Variants in CCDC180 observed in about 807,000 individuals in gnomAD.
CCDC180 encodes the protein coiled-coil domain-containing protein 180.
Under a neutral mutation model 209.2 loss-of-function variants are expected in CCDC180, and 154 were observed. That is an observed-to-expected ratio of 0.74 (90% CI 0.65 to 0.84). CCDC180 has a LOEUF of 0.84. Among genes scored for constraint, CCDC180 ranks in the 40% least tolerant of loss-of-function variants. The probability of loss-of-function intolerance (pLI) is 0.00; values close to 1 mark genes in which losing one functional copy is unlikely to be tolerated. For missense variants in CCDC180, 1,874 were observed against 1,997.3 expected (o/e 0.94, Z 1.18); for synonymous variants, 778 against 749.1 (o/e 1.04, Z -0.63).
At position 97,353,969 on chromosome 9, in the gene CCDC180, C is replaced by G. The variant is rs140113889; in HGVS notation, c.3003-600C>G. 5.5e-3 allele frequency among the ~76,000 whole-genome samples: 837 copies of G among 151,336 alleles called. 6 individuals are homozygous for G. Among genetic ancestry groups the G allele is most frequent in the Non-Finnish European group, 7.6e-3 (514 of 67,882 alleles). On this transcript the variant is annotated intron_variant, in intron 22 of 36. Coordinates refer to ENST00000529487, the MANE Select transcript of CCDC180 (RefSeq NM_020893.6). The stretch of plus-strand genomic sequence containing the variant: ...GGTGCTGCCCACATTCCAAGCTCCC[C>G]TTCTAGTTTCACTTCATCTGGAATT...
chr9:97,343,236 G>A (rs377513794), intron 18 of CCDC180, 104 bp from the exon 19 acceptor site: 98 of 684,916 alleles, frequency 1.4e-4, no homozygotes, highest in Middle Eastern at 2.5e-4. Context: ...CATAATCTTG[G>A]CCCAAAATTT....
chr9:97,350,255 C>T (rs551567163), intron 21 of CCDC180, among the ~76,000 whole-genome samples, 154 bp from the exon 22 acceptor site: 1 of 151,884 alleles, frequency 6.6e-6, no homozygotes, highest in Admixed American at 6.5e-5. Context: ...GGATCCTCAC[C>T]ATCACCACCT....
At chr9:97,348,867 G>C (rs1826346536) in intron 20 of CCDC180, among the ~76,000 whole-genome samples, 1 of 152,170 alleles carries the variant, frequency 6.6e-6, no homozygotes, top group Non-Finnish European at 1.5e-5. Flanking sequence ...CCATCTTCCT[G>C]GCTGTGTTCC....
chr9:97,365,373 A>G (rs554670529), intron 29 of CCDC180: 2 of 305,294 alleles, frequency 6.6e-6, no homozygotes, highest in South Asian at 9.1e-5. Context: ...AATCCACCTG[A>G]TTAGCATGTC....
chr9:97,324,926 G>T (rs993230167), intron 13 of CCDC180, 93 bp from the exon 14 acceptor site: 11 of 1,207,104 alleles, frequency 9.1e-6, no homozygotes, highest in Admixed American at 6.7e-5. Flanking sequence ...ATACTGTTCA[G>T]TCGTTAGAGA....
chr9:97,350,157 C>T (rs1826381419), intron 21 of CCDC180, among the ~76,000 whole-genome samples: 1 of 151,948 alleles, frequency 6.6e-6, no homozygotes, highest in Non-Finnish European at 1.5e-5. Flanking sequence ...TCACCACCCT[C>T]CCCTCTCATG....
rs1192831837 is a variant in CCDC180 at position 97,318,341 on chromosome 9, G to A, written c.960-122G>A. The A allele has an allele frequency of 2.5e-6, 3 of 1,206,170 alleles. No individual in the cohort carries two copies. The African/African-American group carries it at 4.5e-5, about 18-fold the overall frequency. The allele number at this position is 1,206,170 out of a possible 1,614,324, so 74.7% of individuals were successfully genotyped here. ...GCAAAGTCTGGGGAGGAAGGGGCTG[G>A]GGGTGGTGTTAGGGAAGGAGTGCTG... On this transcript the variant is annotated intron_variant, in intron 9 of 36. Transcript: ENST00000529487.
chr9:97,344,761 A>G (rs1261583568), intron 19 of CCDC180, among the ~76,000 whole-genome samples: 2 of 152,232 alleles, frequency 1.3e-5, no homozygotes, highest in African/African-American at 4.8e-5. Flanking sequence ...GAAGGATAAC[A>G]TGCATTCATA....
In CCDC180 at chr9:97,325,196, A is replaced by G. The variant is rs758459686; in HGVS notation, c.1545+4A>G. The G allele has an allele frequency of 2.3e-5, 36 of 1,587,244 alleles. No individual in the cohort carries two copies. Among genetic ancestry groups the G allele is most frequent in the Non-Finnish European group, 2.9e-5 (34 of 1,166,296 alleles). On this transcript the variant is annotated splice_donor_region_variant and intron_variant, in intron 14 of 36. Coordinates refer to ENST00000529487, the MANE Select transcript of CCDC180 (RefSeq NM_020893.6). Reference sequence around the variant, plus strand: ...GAAGCACAGCCTGGAGAGCCAGGTGAGACCCACACCCGGGGCTCCATGTTT... The same window carrying G: ...GAAGCACAGCCTGGAGAGCCAGGTGGGACCCACACCCGGGGCTCCATGTTT...
intron 36 of CCDC180, 110 bp downstream of exon 36, chr9:97,375,699 G>A: frequency 1.5e-6 from 2 of 1,366,736 alleles, no homozygotes; most frequent in Admixed American, 1.9e-5. Context: ...GGTGCAGCAG[G>A]CAACACATGT....
intron 19 of CCDC180, chr9:97,345,559 C>T: frequency 2.5e-6 from 1 of 406,592 alleles, no homozygotes; most frequent in Non-Finnish European, 4.7e-6. Flanking sequence ...GGTCGATTTT[C>T]TGTCTTTTTT....
chr9:97,327,516 T>C (rs966716963), intron 15 of CCDC180, among the ~76,000 whole-genome samples: 3 of 152,208 alleles, frequency 2.0e-5, no homozygotes, highest in African/African-American at 7.2e-5. Context: ...CTGTGAACTT[T>C]CTTGCATCTT....
In CCDC180 at chr9:97,350,476, C is replaced by G. The variant is rs1269597985; in HGVS notation, c.2923C>G (p.Leu975Val). Residue 975 changes from leucine (L) to valine (V), a missense_variant, in exon 22 of 37, where the codon CTG (leucine) becomes GTG (valine). Transcript: ENST00000529487. ...LSYVDVTQVS[L>V]RSFRQYLEES... ...CTATGTTGATGTCACCCAGGTGTCCCTGCGCAGCTTCCGGCAGTACTTGGA... is the reference window on the plus strand; with the variant it reads ...CTATGTTGATGTCACCCAGGTGTCCGTGCGCAGCTTCCGGCAGTACTTGGA... 37 of 1,536,418 alleles carry G rather than the reference C, an allele frequency of 2.4e-5. No individual in the cohort carries two copies. Among genetic ancestry groups the G allele is most frequent in the Non-Finnish European group, 3.2e-5 (37 of 1,147,000 alleles).
intron 26 of CCDC180, 60 bp downstream of exon 26, chr9:97,360,161 A>G: frequency 6.3e-7 from 1 of 1,592,918 alleles, no homozygotes; most frequent in Non-Finnish European, 8.6e-7. Context: ...GGCTCCCAGG[A>G]GACCTGCAGG....
chr9:97,366,466 G>GCAA lies in CCDC180; in HGVS notation c.4048-93_4048-92insCAA. 2 of 1,290,126 alleles carry GCAA rather than the reference G, an allele frequency of 1.6e-6. No homozygotes were observed. The highest frequency in any genetic ancestry group is 2.2e-6 in the Non-Finnish European group (2 of 918,460). The allele number at this position is 1,290,126 out of a possible 1,614,324, so 79.9% of individuals were successfully genotyped here. Reference sequence around the variant, plus strand: ...GGGGATGCCACGAGCAAAGGCTAGGGAGTGTGGAGGTGAGGGCAGGCTGGT... The same window carrying GCAA: ...GGGGATGCCACGAGCAAAGGCTAGGGCAAAGTGTGGAGGTGAGGGCAGGCTGGT... On this transcript the variant is annotated intron_variant, in intron 30 of 36. Transcript: ENST00000529487. The surrounding 1 kb of genome is among the most constrained non-coding windows in gnomAD (Gnocchi z 4.3).
At chr9:97,370,108 C>A in intron 32 of CCDC180, 26 bp downstream of exon 32, 1 of 1,606,268 alleles carries the variant, frequency 6.2e-7, no homozygotes, top group Non-Finnish European at 8.5e-7. Flanking sequence ...CCAGCCCTTC[C>A]ACTCTAGGAC....
At chr9:97,323,731 G>A (rs1351637522) in intron 12 of CCDC180, 50 bp from the exon 13 acceptor site, 1 of 1,526,208 alleles carries the variant, frequency 6.6e-7, no homozygotes, top group South Asian at 1.3e-5. Flanking sequence ...GCTGATGCCT[G>A]TGGGGACCTC....
Position 97,366,418 on chromosome 9 carries a change from T to A in CCDC180, c.4048-141T>A. The A allele has an allele frequency of 1.3e-6, 1 of 766,862 alleles. No individual in the cohort carries two copies. Among genetic ancestry groups the A allele is most frequent in the Non-Finnish European group, 2.0e-6 (1 of 489,408 alleles). 47.5% of individuals were successfully genotyped at this position (766,862 alleles called of 1,614,324 possible). A position where few individuals can be genotyped will look rare whatever the true frequency, so the allele number is the denominator to read the frequency against. On this transcript the variant is annotated intron_variant, in intron 30 of 36. Transcript: ENST00000529487. This position sits in a 1 kb window ranked among gnomAD's most constrained non-coding sequence, Gnocchi z 4.3. ...ACACGGGCAGACAGGGAAGGAGGAG[T>A]GTCTGCTCGTGTCACTTCCACAGGG... is the stretch of plus-strand genomic sequence containing the variant.
intron 29 of CCDC180, chr9:97,365,072 C>T (rs1033165212): frequency 6.6e-6 from 1 of 152,306 alleles, no homozygotes; most frequent in Non-Finnish European, 1.5e-5. Flanking sequence ...ACCGAGGGAA[C>T]ACCAGGGGAC....
Sources: gnomAD v4.1 joint callset for allele counts (sites outside exome capture counted in the v4.1 genomes callset) on GRCh38, gnomAD v4.1.1 for gene constraint, Gnocchi (gnomAD v3.1) non-coding constraint, MANE v1.5 for transcripts, NCBI Gene and HGNC (gene_info 2026-07-23, HGNC 2026-07-21) for gene names.